Variants in NPHP1 observed in about 807,000 individuals in gnomAD.
NPHP1 encodes nephrocystin 1.
Under a neutral mutation model 90.4 loss-of-function variants are expected in NPHP1, and 70 were observed. The ratio of observed to expected loss-of-function variants is 0.77; its 90% confidence interval spans 0.64 to 0.95. The LOEUF (loss-of-function observed/expected upper bound fraction) is 0.95. Among genes scored for constraint, NPHP1 ranks in the 40% least tolerant of loss-of-function variants. The pLI, the probability that NPHP1 is intolerant of heterozygous loss-of-function variation, is 0.00. For missense variants in NPHP1, 764 were observed against 795.9 expected (o/e 0.96, Z 0.48); for synonymous variants, 256 against 271.7 (o/e 0.94, Z 0.57).
intron 4 of NPHP1, among the ~76,000 whole-genome samples, chr2:110,172,737 T>C (rs1254360842): frequency 6.6e-6 from 1 of 152,022 alleles, no homozygotes; most frequent in Admixed American, 6.6e-5. Flanking sequence ...TGAGCCAAGA[T>C]TGCACCACTA....
chr2:110,125,418 C>A, intron 19 of NPHP1: 1 of 1,254,844 alleles, frequency 8.0e-7, no homozygotes, highest in African/African-American at 1.5e-5. Context: ...ACTCAGTAAT[C>A]TGAAATGGCT....
At chr2:110,155,923 G>C (rs902521078) in intron 11 of NPHP1, among the ~76,000 whole-genome samples, 8 of 152,044 alleles carry the variant, frequency 5.3e-5, no homozygotes, top group African/African-American at 1.9e-4. Context: ...GGAAATGTGA[G>C]GACATGAGAT....
chr2:110,125,798 C>T, intron 18 of NPHP1, 117 bp from the exon 19 acceptor site: 1 of 845,232 alleles, frequency 1.2e-6, no homozygotes, highest in Non-Finnish European at 2.0e-6. Context: ...TGTACAGATT[C>T]TATACAAGCA....
chr2:110,160,519 G>C (rs1682232322), intron 10 of NPHP1, among the ~76,000 whole-genome samples: 1 of 152,076 alleles, frequency 6.6e-6, no homozygotes, highest in Admixed American at 6.5e-5. Flanking sequence ...ATATTGGCAG[G>C]CAAAATGTAT....
At chr2:110,145,948 A>G (rs1336121373) in intron 14 of NPHP1, among the ~76,000 whole-genome samples, 1 of 152,210 alleles carries the variant, frequency 6.6e-6, no homozygotes, top group Non-Finnish European at 1.5e-5. Context: ...CATAAGGCGC[A>G]TTATCTAAAT....
At position 110,169,801 on chromosome 2, in the gene NPHP1, C is replaced by T; in HGVS notation, c.522+5G>A. On this transcript the variant is annotated splice_donor_5th_base_variant and intron_variant, in intron 5 of 19. Coordinates refer to ENST00000445609, the MANE Select transcript of NPHP1 (RefSeq NM_001128178.3). ...TAGGTTAGGTTTCAGTCTTATTCTACCTACCTTAAATGTAAGATCTCCAAC... is the reference window on the plus strand; with the variant it reads ...TAGGTTAGGTTTCAGTCTTATTCTATCTACCTTAAATGTAAGATCTCCAAC... The T allele has an allele frequency of 6.2e-7, 1 of 1,604,270 alleles. No individual in the cohort carries two copies. The highest frequency in any genetic ancestry group is 8.5e-7 in the Non-Finnish European group (1 of 1,171,182).
chr2:110,133,257 C>T (rs866747858), intron 16 of NPHP1, among the ~76,000 whole-genome samples: 1 of 152,056 alleles, frequency 6.6e-6, no homozygotes, highest in Middle Eastern at 3.4e-3. Flanking sequence ...CATGTTTAGC[C>T]ATATTAATAT....
At chr2:110,184,927 G>A in intron 2 of NPHP1, 2 of 682,076 alleles carry the variant, frequency 2.9e-6, no homozygotes, top group Non-Finnish European at 5.6e-6. Flanking sequence ...TCGCCATCCA[G>A]AAGTCAGACA....
chr2:110,145,384 A>G (rs1323323167), intron 14 of NPHP1, among the ~76,000 whole-genome samples: 2 of 152,026 alleles, frequency 1.3e-5, no homozygotes, highest in Non-Finnish European at 2.9e-5. Flanking sequence ...TCGACCTCTC[A>G]GCCTCAAGCA....
At chr2:110,138,316 TAA>T (rs147685347) in intron 16 of NPHP1, among the ~76,000 whole-genome samples, 1 of 147,604 alleles carries the variant, frequency 6.8e-6, no homozygotes, top group Admixed American at 6.8e-5. Flanking sequence ...AAACTTATAA[TAA>T]AAAAAAAAGT....
At chr2:110,177,536 A>C (rs376416459) in intron 4 of NPHP1, among the ~76,000 whole-genome samples, 4 of 152,228 alleles carry the variant, frequency 2.6e-5, no homozygotes, top group Admixed American at 6.5e-5. Context: ...AGTCTTTCAA[A>C]ATGTAGATTT....
intron 2 of NPHP1, among the ~76,000 whole-genome samples, chr2:110,194,967 C>T (rs1685049648): frequency 6.6e-6 from 1 of 152,088 alleles, no homozygotes; most frequent in African/African-American, 2.4e-5. Context: ...ACCCTTTATG[C>T]TAAAAACTCT....
chr2:110,181,776 G>A (rs904379779), intron 2 of NPHP1, among the ~76,000 whole-genome samples: 1 of 152,126 alleles, frequency 6.6e-6, no homozygotes, highest in African/African-American at 2.4e-5. Context: ...CACAGAAGTG[G>A]GATGATGCTG....
At chr2:110,129,108 T>TCG in intron 18 of NPHP1, 78 bp downstream of exon 18, 1 of 671,582 alleles carries the variant, frequency 1.5e-6, no homozygotes, top group Admixed American at 3.0e-5. Flanking sequence ...AAAAAAGGCC[T>TCG]AGACAGAACT....
intron 17 of NPHP1, among the ~76,000 whole-genome samples, chr2:110,131,355 G>A (rs1329666391): frequency 6.6e-6 from 1 of 152,054 alleles, no homozygotes; most frequent in Non-Finnish European, 1.5e-5. Context: ...ATGATTATGT[G>A]CATACCAAAC....
At chr2:110,147,791 A>G in intron 13 of NPHP1, 125 bp downstream of exon 13, 1 of 668,178 alleles carries the variant, frequency 1.5e-6, no homozygotes, top group African/African-American at 1.8e-5. Context: ...TGGCATTCTC[A>G]TTCCTCAAGG....
chr2:110,154,471 T>C (rs771065156), intron 11 of NPHP1, among the ~76,000 whole-genome samples: 1 of 152,016 alleles, frequency 6.6e-6, no homozygotes, highest in Non-Finnish European at 1.5e-5. Flanking sequence ...TTGGAACAGT[T>C]TGGAGGGCTC....
At chr2:110,202,349 G>C in intron 1 of NPHP1, 1 of 408,818 alleles carries the variant, frequency 2.4e-6, no homozygotes. Flanking sequence ...ATCCATCTGA[G>C]TGTTATTTAC....
intron 6 of NPHP1, among the ~76,000 whole-genome samples, chr2:110,168,025 T>A (rs918270409): frequency 1.9e-4 from 29 of 152,152 alleles, no homozygotes; most frequent in African/African-American, 7.0e-4. Flanking sequence ...AATCTATATA[T>A]CTTGGCACAG....
Sources: allele counts gnomAD v4.1 joint callset (sites outside exome capture counted in the v4.1 genomes callset), GRCh38; gene constraint gnomAD v4.1.1; transcripts MANE v1.5; gene names NCBI Gene and HGNC (gene_info 2026-07-23, HGNC 2026-07-21).